Variants in PPM1L observed in about 807,000 individuals in gnomAD.
PPM1L encodes the protein protein phosphatase 1L.
PPM1L carries 13 observed loss-of-function variants against 31.4 expected under a neutral mutation model. That is an observed-to-expected ratio of 0.41 (90% CI 0.27 to 0.66). PPM1L has a LOEUF of 0.66. PPM1L is among the 30% of genes least tolerant of loss of function. The probability of loss-of-function intolerance (pLI) is 0.29; values close to 1 mark genes in which losing one functional copy is unlikely to be tolerated. For synonymous variants in PPM1L, 184 were observed against 175.4 expected (o/e 1.05, Z -0.39); for missense variants, 326 against 453.7 (o/e 0.72, Z 2.56).
intron 1 of PPM1L, among the ~76,000 whole-genome samples, chr3:160,762,996 C>T (rs1353930960): frequency 6.6e-6 from 1 of 151,982 alleles, no homozygotes; most frequent in Non-Finnish European, 1.5e-5. Context: ...TGGAAAAATC[C>T]ATGAAATGAA....
At chr3:160,840,175 T>G (rs1713828477) in intron 1 of PPM1L, among the ~76,000 whole-genome samples, 1 of 152,180 alleles carries the variant, frequency 6.6e-6, no homozygotes, top group Non-Finnish European at 1.5e-5. Context: ...TTAAAATGTT[T>G]CCTTGGCAGC....
At chr3:160,892,065 C>A (rs1488570991) in intron 1 of PPM1L, among the ~76,000 whole-genome samples, 1 of 152,142 alleles carries the variant, frequency 6.6e-6, no homozygotes, top group Non-Finnish European at 1.5e-5. Flanking sequence ...TTGATGGGTG[C>A]AGCAAACCAC....
intron 1 of PPM1L, among the ~76,000 whole-genome samples, chr3:160,943,346 A>G (rs1277990324): frequency 6.6e-6 from 1 of 152,198 alleles, no homozygotes; most frequent in Non-Finnish European, 1.5e-5. Flanking sequence ...CATTTTCATC[A>G]AAAGAGGTTA....
At chr3:160,858,028 A>G (rs1007936799) in intron 1 of PPM1L, among the ~76,000 whole-genome samples, 1 of 152,192 alleles carries the variant, frequency 6.6e-6, no homozygotes, top group Non-Finnish European at 1.5e-5. Context: ...AGAGAAAAAT[A>G]ATGTATCTCA....
chr3:161,044,198 C>A (rs1718990586), intron 2 of PPM1L, among the ~76,000 whole-genome samples: 1 of 151,868 alleles, frequency 6.6e-6, no homozygotes, highest in Non-Finnish European at 1.5e-5. Flanking sequence ...TACCAACACG[C>A]CCAGCTAATT....
intron 1 of PPM1L, among the ~76,000 whole-genome samples, chr3:160,888,801 C>T (rs767575806): frequency 5.3e-5 from 8 of 152,060 alleles, no homozygotes; most frequent in Non-Finnish European, 1.0e-4. Context: ...TGCAAAAGAA[C>T]TGAAATCATA....
chr3:160,867,671 TTTTA>T (rs1712143428), intron 1 of PPM1L, among the ~76,000 whole-genome samples: 1 of 152,130 alleles, frequency 6.6e-6, no homozygotes, highest in South Asian at 2.1e-4. Context: ...AAATATGATT[TTTTA>T]TTTTTTTGCT....
intron 1 of PPM1L, among the ~76,000 whole-genome samples, chr3:160,894,263 G>A (rs1713259579): frequency 6.6e-6 from 1 of 152,152 alleles, no homozygotes; most frequent in Non-Finnish European, 1.5e-5. Flanking sequence ...ATTGGTTTCT[G>A]TTTCCATTAC....
intron 2 of PPM1L, among the ~76,000 whole-genome samples, chr3:160,989,600 G>C (rs1351636782): frequency 6.6e-6 from 1 of 151,948 alleles, no homozygotes; most frequent in Non-Finnish European, 1.5e-5. Flanking sequence ...GACCTCAGGT[G>C]ATCCACCCGT....
chr3:160,944,823 A>ATATAACATATATGT lies in PPM1L; in HGVS notation c.400-16909_400-16908insACATATATGTTATA, dbSNP rs1559896985. 4.2e-4 allele frequency among the ~76,000 whole-genome samples: 7 copies of ATATAACATATATGT among 16,700 alleles called. 1 individual carries two copies. The highest frequency in any genetic ancestry group is 1.0e-3 in the East Asian group (1 of 966). 11.0% of individuals were successfully genotyped at this position (16,700 alleles called of 152,430 possible). ...ATAACATATATAACATATATATGTTATATATAACATATATATGTTATATAT... is the reference window on the plus strand; with the variant it reads ...ATAACATATATAACATATATATGTTATATAACATATATGTTATATAACATATATATGTTATATAT... On this transcript the variant is annotated intron_variant, in intron 1 of 3. Coordinates refer to ENST00000498165, the MANE Select transcript of PPM1L (RefSeq NM_139245.4).
intron 1 of PPM1L, among the ~76,000 whole-genome samples, chr3:160,806,946 GAAAA>G (rs1346595456): frequency 1.4e-5 from 2 of 139,170 alleles, no homozygotes; most frequent in East Asian, 4.6e-4. Flanking sequence ...AAGAAAGAAA[GAAAA>G]GAGAGAAAGG....
chr3:160,970,280 T>TAG (rs1223545981), intron 2 of PPM1L, among the ~76,000 whole-genome samples: 1 of 152,156 alleles, frequency 6.6e-6, no homozygotes, highest in Admixed American at 6.5e-5. Context: ...AAGGCTTTTG[T>TAG]AATGCAGACG....
chr3:160,943,917 C>A (rs567462600), intron 1 of PPM1L, among the ~76,000 whole-genome samples: 1 of 152,200 alleles, frequency 6.6e-6, no homozygotes, highest in African/African-American at 2.4e-5. Flanking sequence ...CAGGTACTAC[C>A]TTGGGGAATA....
intron 1 of PPM1L, among the ~76,000 whole-genome samples, chr3:160,912,156 A>G (rs1001223705): frequency 2.6e-5 from 4 of 152,152 alleles, no homozygotes; most frequent in Admixed American, 1.3e-4. Context: ...ATGGGGATTT[A>G]GACATCATGT....
intron 1 of PPM1L, among the ~76,000 whole-genome samples, chr3:160,936,327 G>A (rs1163226424): frequency 3.3e-5 from 5 of 152,024 alleles, no homozygotes; most frequent in African/African-American, 9.7e-5. Flanking sequence ...TCCTAACCTC[G>A]TGATCCACCC....
chr3:161,026,507 C>T (rs1718395600), intron 2 of PPM1L, among the ~76,000 whole-genome samples: 1 of 152,018 alleles, frequency 6.6e-6, no homozygotes, highest in African/African-American at 2.4e-5. Flanking sequence ...ACCAGCCTGG[C>T]CAACATGGCA....
chr3:161,019,169 G>A (rs1718169622), intron 2 of PPM1L, among the ~76,000 whole-genome samples: 1 of 151,714 alleles, frequency 6.6e-6, no homozygotes, highest in South Asian at 2.1e-4. Context: ...GATACTTGTG[G>A]TCATTCTGGG....
chr3:161,057,897 G>T (rs1322288163), intron 2 of PPM1L, among the ~76,000 whole-genome samples: 2 of 151,512 alleles, frequency 1.3e-5, no homozygotes, highest in Non-Finnish European at 2.9e-5. Context: ...AAGTAGCAGG[G>T]TAAATAGCTA....
At chr3:160,887,076 A>G (rs13071909) in intron 1 of PPM1L, among the ~76,000 whole-genome samples, 56,802 of 151,528 alleles carry the variant, frequency 0.37, 13,591 homozygotes, top group Non-Finnish European at 0.54. Context: ...ATAAGTATCA[A>G]TAGCTGAATC....
Sources: allele counts gnomAD v4.1 joint callset (sites outside exome capture counted in the v4.1 genomes callset), GRCh38; gene constraint gnomAD v4.1.1; transcripts MANE v1.5; gene names NCBI Gene and HGNC (gene_info 2026-07-23, HGNC 2026-07-21).